The following ATP2B1 variants were observed in gnomAD, a reference collection of about 807,000 sequenced individuals.
The protein encoded by ATP2B1 is plasma membrane calcium-transporting ATPase 1.
A neutral mutation model predicts 124.2 loss-of-function variants in ATP2B1; 14 were observed. The observed-to-expected ratio is 0.11, with a 90% CI of 0.07 to 0.18. The LOEUF (loss-of-function observed/expected upper bound fraction) is 0.18, where lower values mean the gene tolerates loss of function less well. Ranked by LOEUF, ATP2B1 falls within the 10% of genes least tolerant of loss-of-function variation. The pLI, the probability that ATP2B1 is intolerant of heterozygous loss-of-function variation, is 1.00. For synonymous variants in ATP2B1, 449 were observed against 492.4 expected (o/e 0.91, Z 1.17); for missense variants, 763 against 1,466.1 (o/e 0.52, Z 7.83).
chr12:89,692,972 T>C (rs1052109317), intron 1 of ATP2B1, among the ~76,000 whole-genome samples: 9 of 152,210 alleles, frequency 5.9e-5, no homozygotes, highest in African/African-American at 1.7e-4. Flanking sequence ...AAGAACCTAT[T>C]GGCCACACTG....
chr12:89,621,371 T>A (rs1040044934), intron 10 of ATP2B1, among the ~76,000 whole-genome samples, 178 bp downstream of exon 10: 3 of 152,106 alleles, frequency 2.0e-5, no homozygotes, highest in Non-Finnish European at 4.4e-5. Flanking sequence ...AATGTTTATG[T>A]TGATCAGCAG....
chr12:89,633,147 A>C (rs1592803561), intron 5 of ATP2B1, among the ~76,000 whole-genome samples: 1 of 152,294 alleles, frequency 6.6e-6, no homozygotes, highest in East Asian at 1.9e-4. Context: ...GTTCCTTAGA[A>C]GCATGGCAAG....
chr12:89,681,381 A>ATTTTT lies in ATP2B1; in HGVS notation c.-221-25275_-221-25274insAAAAA, dbSNP rs201477706. On this transcript the variant is annotated intron_variant, in intron 1 of 20. Transcript: ENST00000428670. ...AATGTTGCAAAGAAAAATCCCTATAAATTTTTTTTTTTTTTTTGAGACACA... is the reference window on the plus strand; with the variant it reads ...AATGTTGCAAAGAAAAATCCCTATAATTTTTATTTTTTTTTTTTTTTTGAGACACA... Among the ~76,000 whole-genome samples the ATTTTT allele has an allele frequency of 3.5e-5, 5 of 142,066 alleles. 2 individuals carry two copies. Among genetic ancestry groups the ATTTTT allele is most frequent in the Non-Finnish European group, 3.1e-5 (2 of 65,164 alleles). The allele number at this position is 142,066 out of a possible 152,430, so 93.2% of individuals were successfully genotyped here. A position where few individuals can be genotyped will look rare whatever the true frequency, so the allele number is the denominator to read the frequency against.
chr12:89,603,868 C>A lies in ATP2B1; in HGVS notation c.2692G>T (p.Ala898Ser). 6.2e-7 allele frequency: 1 copy of A among 1,613,958 alleles called. No homozygotes were observed. The highest frequency in any genetic ancestry group is 2.2e-5 in the East Asian group (1 of 44,868). Residue 898 changes from alanine to serine, a missense_variant, in exon 17 of 21, where the codon GCT becomes TCT. Physicochemically the swap from Ala to Ser is moderately conservative, Grantham distance 99 (BLOSUM62 1). Transcript: ENST00000428670. This position sits in a 1 kb window ranked among gnomAD's most constrained non-coding sequence, Gnocchi z 4.3. The stretch of plus-strand genomic sequence containing the variant: ...GGTTCCGTTGCCAGAGCCAGGGAAG[C>A]GAGTGTATCCATTATGAGGTTTACC... ...LWVNLIMDTL[A>S]SLALATEPPT...
chr12:89,621,321 C>T (rs1879926894), intron 10 of ATP2B1, among the ~76,000 whole-genome samples: 1 of 151,992 alleles, frequency 6.6e-6, no homozygotes, highest in Non-Finnish European at 1.5e-5. Flanking sequence ...AGTTTCTGAA[C>T]ACAGGAAATT....
rs1305216095 is a variant in ATP2B1, at chr12:89,590,897, C to G, written c.*87G>C. 3 of 1,253,898 alleles carry G rather than the reference C, an allele frequency of 2.4e-6. No homozygotes were observed. The highest frequency in any genetic ancestry group is 3.4e-6 in the Non-Finnish European group (3 of 890,678). The allele number at this position is 1,253,898 out of a possible 1,614,324, so 77.7% of individuals were successfully genotyped here. A position where few individuals can be genotyped will look rare whatever the true frequency, so the allele number is the denominator to read the frequency against. ...CTGTTGAAGTCCAAAGACAAGAATACTAGCTTGTCCATCACAATATGTGAA... is the reference window on the plus strand; with the variant it reads ...CTGTTGAAGTCCAAAGACAAGAATAGTAGCTTGTCCATCACAATATGTGAA... On this transcript the variant is annotated 3_prime_UTR_variant, in exon 21 of 21. Transcript: ENST00000428670.
chr12:89,699,506 C>T (rs901970085), intron 1 of ATP2B1, among the ~76,000 whole-genome samples: 1 of 152,024 alleles, frequency 6.6e-6, no homozygotes, highest in Non-Finnish European at 1.5e-5. Context: ...TTGGGGGGAG[C>T]GGGTAACCTG....
intron 1 of ATP2B1, among the ~76,000 whole-genome samples, chr12:89,687,028 T>C (rs754995143): frequency 8.5e-5 from 13 of 152,066 alleles, no homozygotes; most frequent in South Asian, 4.1e-4. Context: ...AAAGGATGTG[T>C]CTGAGCATTT....
intron 11 of ATP2B1, among the ~76,000 whole-genome samples, chr12:89,618,344 T>C (rs1309998876): frequency 6.6e-6 from 1 of 152,206 alleles, no homozygotes; most frequent in Non-Finnish European, 1.5e-5. Flanking sequence ...TTCATTTAAG[T>C]GCCACAGAGT....
At chr12:89,619,618 T>TAA (rs367554417) in intron 11 of ATP2B1, among the ~76,000 whole-genome samples, 17,470 of 123,042 alleles carry the variant, frequency 0.14, 1,430 homozygotes, top group South Asian at 0.35. Context: ...CTTAAACAAA[T>TAA]AAAAAAAAAA....
At chr12:89,695,322 A>T (rs1251664185) in intron 1 of ATP2B1, among the ~76,000 whole-genome samples, 1 of 152,156 alleles carries the variant, frequency 6.6e-6, no homozygotes, top group Non-Finnish European at 1.5e-5. Context: ...CACCAGACAC[A>T]CTGAGCAAGG....
intron 1 of ATP2B1, among the ~76,000 whole-genome samples, chr12:89,702,985 T>C (rs1892034551): frequency 6.6e-6 from 1 of 152,208 alleles, no homozygotes; most frequent in Non-Finnish European, 1.5e-5. Context: ...AAAATATTTA[T>C]TAATTTAGAT....
intron 1 of ATP2B1, among the ~76,000 whole-genome samples, chr12:89,688,228 T>C (rs192842436): frequency 6.6e-6 from 1 of 152,142 alleles, no homozygotes; most frequent in East Asian, 1.9e-4. Flanking sequence ...CAGCACTTCA[T>C]TTCATGTAAC....
chr12:89,704,994 T>G (rs1472646148), intron 1 of ATP2B1, among the ~76,000 whole-genome samples: 1 of 152,118 alleles, frequency 6.6e-6, no homozygotes, highest in Non-Finnish European at 1.5e-5. Flanking sequence ...AACCATTTCT[T>G]GTGTTAAGAT....
At chr12:89,650,492 C>A (rs1259489674) in intron 2 of ATP2B1, among the ~76,000 whole-genome samples, 1 of 152,122 alleles carries the variant, frequency 6.6e-6, no homozygotes, top group Non-Finnish European at 1.5e-5. Context: ...GACAAGCAAC[C>A]AGTTAAACAC....
At chr12:89,599,905 C>A (rs369436950) in intron 19 of ATP2B1, among the ~76,000 whole-genome samples, 1 of 152,108 alleles carries the variant, frequency 6.6e-6, no homozygotes, top group African/African-American at 2.4e-5. Flanking sequence ...TGTTAACATC[C>A]ATTCTCTAAG....
intron 1 of ATP2B1, among the ~76,000 whole-genome samples, chr12:89,659,815 C>T (rs1207882461): frequency 6.7e-6 from 1 of 149,992 alleles, no homozygotes; most frequent in South Asian, 2.1e-4. Flanking sequence ...CCCAGCTACT[C>T]GGGAGGCTGA....
chr12:89,621,408 A>G (rs1879939592), intron 10 of ATP2B1, 141 bp downstream of exon 10: 1 of 586,760 alleles, frequency 1.7e-6, no homozygotes, highest in Non-Finnish European at 2.5e-6. Flanking sequence ...AAATTTAAAA[A>G]CCATTATATA....
At chr12:89,694,566 G>T (rs1890907102) in intron 1 of ATP2B1, among the ~76,000 whole-genome samples, 1 of 152,174 alleles carries the variant, frequency 6.6e-6, no homozygotes, top group Admixed American at 6.5e-5. Flanking sequence ...GTTCCCACTT[G>T]TGGAAACATT....
Sources: allele counts gnomAD v4.1 joint callset (sites outside exome capture counted in the v4.1 genomes callset), GRCh38; gene constraint gnomAD v4.1.1; non-coding constraint Gnocchi (gnomAD v3.1); transcripts MANE v1.5; gene names NCBI Gene and HGNC (gene_info 2026-07-23, HGNC 2026-07-21).